Variants in FTSJ1 observed in about 807,000 individuals in gnomAD.
FTSJ1 encodes tRNA (cytidine(32)/guanosine(34)-2'-O)-methyltransferase.
Under a neutral mutation model 28.5 loss-of-function variants are expected in FTSJ1, and 3 were observed. That is an observed-to-expected ratio of 0.11 (90% confidence interval 0.05 to 0.27). FTSJ1 has a LOEUF of 0.27. Among genes scored for constraint, FTSJ1 ranks in the 10% least tolerant of loss-of-function variants. The probability of loss-of-function intolerance (pLI) is 1.00; values close to 1 mark genes in which losing one functional copy is unlikely to be tolerated. For synonymous variants in FTSJ1, 104 were observed against 113.9 expected, an observed-to-expected ratio of 0.91 and a Z score of 0.55; for missense variants, 162 against 279.0, an observed-to-expected ratio of 0.58 and a Z score of 2.99.
rs782064899 is a variant in FTSJ1 at position 48,481,416 on chromosome X, C to T, written c.469-10C>T. The T allele has an allele frequency of 1.7e-6, 2 of 1,208,748 alleles. No individual in the cohort carries two copies. Among genetic ancestry groups the T allele is most frequent in the Admixed American group, 4.3e-5 (2 of 46,093 alleles). On this transcript the variant is annotated splice_polypyrimidine_tract_variant and intron_variant, in intron 7 of 12. Transcript: ENST00000348411. Reference sequence around the variant, plus strand: ...CCCTCACCCGCTGTCTTTGCCTTCTCACCCTGCAGATATTCCGAGGCCGGG... The same window carrying T: ...CCCTCACCCGCTGTCTTTGCCTTCTTACCCTGCAGATATTCCGAGGCCGGG...
In FTSJ1 at chrX:48,481,482, C is replaced by T; in HGVS notation, c.525C>T (p.Ser175=). Residue 175 remains serine, a synonymous_variant, in exon 8 of 13, where the codon TCC becomes TCT. Coordinates refer to ENST00000348411, the MANE Select transcript of FTSJ1 (RefSeq NM_012280.4). ...LLYSQLQVFF[S]SVLCAKPRSS... ...ACAGCCAGCTGCAGGTCTTCTTCTC[C>T]AGCGTGCTGTGTGCCAAGCCCAGGA... is the stretch of plus-strand genomic sequence containing the variant. The T allele has an allele frequency of 8.3e-7, 1 of 1,211,968 alleles. No individual in the cohort carries two copies. Among genetic ancestry groups the T allele is most frequent in the African/African-American group, 1.7e-5 (1 of 57,935 alleles).
chrX:48,482,103 A>G (rs1367870016), intron 9 of FTSJ1, among the ~76,000 whole-genome samples: 1 of 112,155 alleles, frequency 8.9e-6, no homozygotes, highest in African/African-American at 3.2e-5. Context: ...GCAGGAAGAG[A>G]CAGAGCCTGC....
At chrX:48,476,551 G>A (rs2061533276) in intron 1 of FTSJ1, 155 bp downstream of exon 1, 1 of 253,014 alleles carries the variant, frequency 4.0e-6, no homozygotes, top group East Asian at 5.8e-5. Context: ...TAGACCCAAG[G>A]TTTGTCTGCA....
At chrX:48,484,681 C>A (rs782400731) in intron 12 of FTSJ1, among the ~76,000 whole-genome samples, 57 of 111,984 alleles carry the variant, frequency 5.1e-4, no homozygotes, top group African/African-American at 1.8e-3. Context: ...AGCCACCACA[C>A]CTGGCCACAA....
chrX:48,478,041 G>A lies in FTSJ1; in HGVS notation c.-7G>A. 1.7e-6 allele frequency: 2 copies of A among 1,211,645 alleles called. No individual in the cohort carries two copies. Among genetic ancestry groups the A allele is most frequent in the South Asian group, 1.8e-5 (1 of 56,990 alleles). On this transcript the variant is annotated 5_prime_UTR_variant, in exon 2 of 13. It adds an upstream start codon to the 5' untranslated region. Coordinates refer to ENST00000348411, the MANE Select transcript of FTSJ1 (RefSeq NM_012280.4). Reference sequence around the variant, plus strand: ...GTCGGCAGGTCCTTGAGCAACTGGTGTGTGAAATGGGACGGACGTCAAAGG... The same window carrying A: ...GTCGGCAGGTCCTTGAGCAACTGGTATGTGAAATGGGACGGACGTCAAAGG...
rs782670187 is a variant in FTSJ1 at position 48,478,396 on chromosome X, A to G, written c.122-53A>G. 24 of 1,134,344 alleles carry G rather than the reference A, an allele frequency of 2.1e-5. No homozygotes were observed. In the East Asian group the frequency reaches 6.9e-4, roughly 33 times the overall value. 93.5% of individuals were successfully genotyped at this position (1,134,344 alleles called of 1,213,427 possible). The stretch of plus-strand genomic sequence containing the variant: ...AGGGGTGAATTTTGCAAGGGTCTCC[A>G]GGTTGGAGAAGTGGGTGCAGCTGAT... On this transcript the variant is annotated intron_variant, in intron 2 of 12. Coordinates refer to ENST00000348411, the MANE Select transcript of FTSJ1 (RefSeq NM_012280.4).
intron 9 of FTSJ1, 99 bp from the exon 10 acceptor site, chrX:48,482,304 G>C: frequency 1.8e-6 from 1 of 545,781 alleles, no homozygotes; most frequent in Non-Finnish European, 3.3e-6. Flanking sequence ...AGTAGCTGGT[G>C]GATATGTGGG....
At chrX:48,482,919 A>G in intron 11 of FTSJ1, 67 bp from the exon 12 acceptor site, 1 of 1,209,052 alleles carries the variant, frequency 8.3e-7, no homozygotes, top group Non-Finnish European at 1.1e-6. Context: ...AAAAATTGGT[A>G]AAGCCAAGCA....
chrX:48,477,755 T>A (rs1407827871), intron 1 of FTSJ1, among the ~76,000 whole-genome samples: 2 of 110,069 alleles, frequency 1.8e-5, no homozygotes, highest in Non-Finnish European at 3.8e-5. Context: ...TATGGGGTCT[T>A]TTGTGGGAAC....
intron 2 of FTSJ1, 127 bp downstream of exon 2, chrX:48,478,295 G>A (rs782690548): frequency 2.0e-5 from 17 of 851,577 alleles, no homozygotes; most frequent in Middle Eastern, 6.2e-4. Context: ...AGGGAGACAG[G>A]CAGGAAGATA....
At chrX:48,480,747 G>T (rs1009148187) in intron 5 of FTSJ1, among the ~76,000 whole-genome samples, 28 of 111,406 alleles carry the variant, frequency 2.5e-4, no homozygotes, top group African/African-American at 7.2e-4. Flanking sequence ...AGAGGATGCG[G>T]GGGGAGCATC....
At chrX:48,484,448 A>G (rs981211179) in intron 12 of FTSJ1, among the ~76,000 whole-genome samples, 2 of 110,219 alleles carry the variant, frequency 1.8e-5, no homozygotes, top group African/African-American at 6.6e-5. Context: ...CAGTGGCACT[A>G]TCTCAGCTCA....
chrX:48,479,312 C>T (rs2061553653), intron 5 of FTSJ1, among the ~76,000 whole-genome samples, 196 bp downstream of exon 5: 2 of 112,133 alleles, frequency 1.8e-5, no homozygotes, highest in African/African-American at 6.5e-5. Flanking sequence ...CTTCCTCCCA[C>T]TTGCACCCCA....
chrX:48,481,059 C>A, intron 5 of FTSJ1, 92 bp from the exon 6 acceptor site: 1 of 807,434 alleles, frequency 1.2e-6, no homozygotes, highest in Admixed American at 2.4e-5. Flanking sequence ...AGTAAGACAG[C>A]CTGGAAAATG....
chrX:48,482,787 C>G lies in FTSJ1; in HGVS notation c.950C>G (p.Ala317Gly), dbSNP rs782426013. 11 of 1,206,901 alleles carry G rather than the reference C, an allele frequency of 9.1e-6. No individual in the cohort carries two copies. Among genetic ancestry groups the G allele is most frequent in the Middle Eastern group, 4.6e-4 (2 of 4,345 alleles). The stretch of plus-strand genomic sequence containing the variant: ...GCCCCTCAGTGCCACACCCTGCTGG[C>G]CCCTGAGGTCTGGAAATGTGACTCT... ...LAAPQCHTLL[A>G]PEMEDNEMSC... Residue 317 changes from alanine (A) to glycine (G), a missense_variant, in exon 11 of 13, where the codon GCC becomes GGC. Coordinates refer to ENST00000348411, the MANE Select transcript of FTSJ1 (RefSeq NM_012280.4).
In FTSJ1 at chrX:48,479,084, C is replaced by T. The variant is rs960369655; in HGVS notation, c.329C>T (p.Ala110Val). The T allele has an allele frequency of 5.8e-6, 7 of 1,207,115 alleles. No individual in the cohort carries two copies. The highest frequency in any genetic ancestry group is 2.2e-5 in the Admixed American group (1 of 46,112). ...ATCCAGCACTTTAAGGGCTGCCCTG[C>T]GGACCTAGTGGTGTGTGACGGGGCT... ...EIIQHFKGCP[A>V]DLVVCDGAPD... Residue 110 changes from alanine (A) to valine (V), a missense_variant, in exon 5 of 13, where the codon GCG becomes GTG. Coordinates refer to ENST00000348411, the MANE Select transcript of FTSJ1 (RefSeq NM_012280.4).
At chrX:48,481,069 G>A in intron 5 of FTSJ1, 82 bp from the exon 6 acceptor site, 1 of 859,438 alleles carries the variant, frequency 1.2e-6, no homozygotes, top group Non-Finnish European at 1.7e-6. Context: ...CCTGGAAAAT[G>A]TATTTAGTGT....
At position 48,477,943 on chromosome X, in the gene FTSJ1, G is replaced by T. The variant is rs1319677379; in HGVS notation, c.-87-18G>T. 2 of 1,137,582 alleles carry T rather than the reference G, an allele frequency of 1.8e-6. No homozygotes were observed. Among genetic ancestry groups the T allele is most frequent in the African/African-American group, 3.5e-5 (2 of 56,376 alleles). The allele number at this position is 1,137,582 out of a possible 1,213,427, so 93.7% of individuals were successfully genotyped here. On this transcript the variant is annotated intron_variant, in intron 1 of 12. Transcript: ENST00000348411. Reference sequence around the variant, plus strand: ...AGATGAGCCCAGTTTAGTTTGTGTGGTTCTCTCCGCCCTACAGAGGTAGGT... The same window carrying T: ...AGATGAGCCCAGTTTAGTTTGTGTGTTTCTCTCCGCCCTACAGAGGTAGGT...
At chrX:48,483,150 A>G in intron 12 of FTSJ1, 123 bp downstream of exon 12, 2 of 574,381 alleles carry the variant, frequency 3.5e-6, no homozygotes, top group South Asian at 5.1e-5. Flanking sequence ...ACCCTTTTCT[A>G]AACATCTGTT....
Sources: gnomAD v4.1 joint callset for allele counts (sites outside exome capture counted in the v4.1 genomes callset) on GRCh38, gnomAD v4.1.1 for gene constraint, MANE v1.5 for transcripts, NCBI Gene and HGNC (gene_info 2026-07-23, HGNC 2026-07-21) for gene names.